The following APBA2 variants were observed in gnomAD, a reference collection of about 807,000 sequenced individuals.
The protein encoded by APBA2 is amyloid-beta A4 precursor protein-binding family A member 2.
APBA2 carries 30 observed loss-of-function variants against 75.0 expected under a neutral mutation model. The ratio of observed to expected loss-of-function variants is 0.40; its 90% CI spans 0.30 to 0.54. APBA2 has a LOEUF of 0.54. Among genes scored for constraint, APBA2 ranks in the 20% least tolerant of loss-of-function variants. The pLI is 0.49. For missense variants in APBA2, 801 were observed against 1,016.1 expected (o/e 0.79, Z 2.88); for synonymous variants, 444 against 409.6 (o/e 1.08, Z -1.01).
chr15:29,039,247 A>G (rs58812162), intron 3 of APBA2, among the ~76,000 whole-genome samples: 26,110 of 150,966 alleles, frequency 0.17, 2,784 homozygotes, highest in African/African-American at 0.29. Context: ...TTGAAGTTTT[A>G]TGTGTTATTA....
intron 3 of APBA2, among the ~76,000 whole-genome samples, chr15:29,044,989 G>A (rs181429932): frequency 6.6e-6 from 1 of 152,110 alleles, no homozygotes; most frequent in Admixed American, 6.5e-5. Flanking sequence ...CACACATGGT[G>A]AAAGGGGCAA....
At chr15:28,974,108 A>C (rs990348678) in intron 2 of APBA2, among the ~76,000 whole-genome samples, 1 of 152,226 alleles carries the variant, frequency 6.6e-6, no homozygotes, top group Non-Finnish European at 1.5e-5. Context: ...AGTCATATCC[A>C]AAACACAGTG....
chr15:29,105,576 G>A lies in APBA2; in HGVS notation c.1704+18G>A, dbSNP rs369225494. 113 of 1,612,420 alleles carry A rather than the reference G, an allele frequency of 7.0e-5. No individual in the cohort carries two copies. Among genetic ancestry groups the A allele is most frequent in the Admixed American group, 1.0e-4 (6 of 59,986 alleles). ...GCAAGGAGGTAAGCCACACCCACCA[G>A]CCTCAGGGAGGCCACATTTGCCAGC... On this transcript the variant is annotated intron_variant, in intron 11 of 14. Transcript: ENST00000683413.
At chr15:28,960,242 C>T (rs1301153662) in intron 2 of APBA2, among the ~76,000 whole-genome samples, 6 of 151,454 alleles carry the variant, frequency 4.0e-5, no homozygotes, top group African/African-American at 1.5e-4. Flanking sequence ...AGGAGTACTG[C>T]TTGAGGCCAG....
At chr15:29,050,479 T>G (rs896482139) in intron 3 of APBA2, among the ~76,000 whole-genome samples, 2 of 152,224 alleles carry the variant, frequency 1.3e-5, no homozygotes, top group South Asian at 4.1e-4. Context: ...ATTATATTGT[T>G]GTCGTAGTGT....
chr15:28,979,130 C>G (rs1439357247), intron 2 of APBA2, among the ~76,000 whole-genome samples: 1 of 152,168 alleles, frequency 6.6e-6, no homozygotes, highest in African/African-American at 2.4e-5. Context: ...GCAGCCATCT[C>G]CATCCACACC....
chr15:28,990,792 T>TCAAG (rs1018950072), intron 2 of APBA2: 15 of 152,182 alleles, frequency 9.9e-5, no homozygotes, highest in Admixed American at 2.6e-4. Flanking sequence ...GTACTAGACT[T>TCAAG]CAAGGTAAGT....
At chr15:29,039,650 C>T (rs896113516) in intron 3 of APBA2, among the ~76,000 whole-genome samples, 4 of 152,128 alleles carry the variant, frequency 2.6e-5, no homozygotes, top group South Asian at 4.1e-4. Context: ...TGCCAGTTTT[C>T]GTGTGGCGTG....
chr15:29,034,736 C>T (rs895774416), intron 3 of APBA2, among the ~76,000 whole-genome samples: 1 of 152,202 alleles, frequency 6.6e-6, no homozygotes, highest in Non-Finnish European at 1.5e-5. Flanking sequence ...GACTTGCAGG[C>T]ATCAGAATCC....
intron 3 of APBA2, among the ~76,000 whole-genome samples, chr15:29,043,943 G>A (rs56825547): frequency 0.033 from 4,993 of 152,280 alleles, 247 homozygotes; most frequent in East Asian, 0.21. Flanking sequence ...TGCTTGGGCT[G>A]ATTATACAAG....
At chr15:29,019,656 A>G (rs970811104) in intron 3 of APBA2, among the ~76,000 whole-genome samples, 8 of 152,236 alleles carry the variant, frequency 5.3e-5, no homozygotes, top group Non-Finnish European at 8.8e-5. Context: ...GACTGTACAC[A>G]CAGGTCTATC....
chr15:29,105,727 G>A (rs1464110244), intron 11 of APBA2, among the ~76,000 whole-genome samples, 169 bp downstream of exon 11: 1 of 152,174 alleles, frequency 6.6e-6, no homozygotes, highest in African/African-American at 2.4e-5. Context: ...TGAGCACTTG[G>A]GTGTGAAATG....
chr15:29,104,862 T>C (rs1027865624), intron 10 of APBA2, among the ~76,000 whole-genome samples: 2 of 152,062 alleles, frequency 1.3e-5, no homozygotes, highest in Non-Finnish European at 2.9e-5. Flanking sequence ...GGCAGGAGGA[T>C]CACTTATGTC....
intron 3 of APBA2, among the ~76,000 whole-genome samples, chr15:29,048,566 C>T (rs1432555619): frequency 6.6e-6 from 1 of 152,070 alleles, no homozygotes; most frequent in African/African-American, 2.4e-5. Context: ...ATGAAAATGG[C>T]ATGGTACTGT....
At chr15:28,975,585 G>C (rs1026937572) in intron 2 of APBA2, among the ~76,000 whole-genome samples, 10 of 152,148 alleles carry the variant, frequency 6.6e-5, no homozygotes, top group Non-Finnish European at 1.0e-4. Context: ...CCTGTGGGTA[G>C]GGAAAATTAT....
intron 2 of APBA2, among the ~76,000 whole-genome samples, chr15:28,980,823 C>G (rs539043118): frequency 6.6e-6 from 1 of 152,302 alleles, no homozygotes; most frequent in South Asian, 2.1e-4. Context: ...CAGCATGGGA[C>G]TGATACAGAA....
rs1379769935 is a variant in APBA2 at position 28,886,126 on chromosome 15, C to A, written c.-357C>A. 7.3e-5 allele frequency: 11 copies of A among 150,330 alleles called. No individual in the cohort carries two copies. In the East Asian group the frequency reaches 2.2e-3, roughly 29 times the overall value. 9.3% of individuals were successfully genotyped at this position (150,330 alleles called of 1,614,324 possible). A position where few individuals can be genotyped will look rare whatever the true frequency, so the allele number is the denominator to read the frequency against. ...TACGCTGCGTCCGGGGCGCGCCCGCCGCTATTCGGGAAGCTATTCAGCTTC... is the reference window on the plus strand; with the variant it reads ...TACGCTGCGTCCGGGGCGCGCCCGCAGCTATTCGGGAAGCTATTCAGCTTC... On this transcript the variant is annotated 5_prime_UTR_variant, in exon 1 of 15. Coordinates refer to ENST00000683413, the MANE Select transcript of APBA2 (RefSeq NM_001353788.2).
At chr15:29,071,702 C>G (rs1015486891) in intron 4 of APBA2, among the ~76,000 whole-genome samples, 1 of 150,392 alleles carries the variant, frequency 6.6e-6, no homozygotes, top group African/African-American at 2.5e-5. Flanking sequence ...ATTAGAGCAC[C>G]AGATGGGCTC....
chr15:29,062,734 C>T (rs2042184701), intron 4 of APBA2, among the ~76,000 whole-genome samples: 1 of 151,914 alleles, frequency 6.6e-6, no homozygotes. Context: ...AAAAGTGCCT[C>T]TCCCCTCAAA....
Sources: allele counts gnomAD v4.1 joint callset (sites outside exome capture counted in the v4.1 genomes callset), GRCh38; gene constraint gnomAD v4.1.1; transcripts MANE v1.5; gene names NCBI Gene and HGNC (gene_info 2026-07-23, HGNC 2026-07-21).